The following RNF111 variants were observed in gnomAD, a reference collection of about 807,000 sequenced individuals.
RNF111 encodes the protein E3 ubiquitin-protein ligase Arkadia.
RNF111 carries 17 observed loss-of-function variants against 95.1 expected under a neutral mutation model. The ratio of observed to expected loss-of-function variants is 0.18; its 90% CI spans 0.12 to 0.27. The LOEUF (loss-of-function observed/expected upper bound fraction) is 0.27. Among genes scored for constraint, RNF111 ranks in the 10% least tolerant of loss-of-function variants. The pLI, the probability that RNF111 is intolerant of heterozygous loss-of-function variation, is 1.00. For synonymous variants in RNF111, 440 were observed against 414.8 expected, an observed-to-expected ratio of 1.06 and a Z score of -0.74; for missense variants, 1,189 against 1,210.4, an observed-to-expected ratio of 0.98 and a Z score of 0.26.
At chr15:59,082,808 C>T (rs1261536180) in intron 8 of RNF111, among the ~76,000 whole-genome samples, 1 of 152,134 alleles carries the variant, frequency 6.6e-6, no homozygotes, top group Non-Finnish European at 1.5e-5. Flanking sequence ...TGTTTTACTT[C>T]TGTCATTTAA....
intron 6 of RNF111, 122 bp downstream of exon 6, chr15:59,067,205 TC>T: frequency 1.2e-6 from 1 of 834,200 alleles, no homozygotes; most frequent in South Asian, 1.8e-5. Context: ...TCCATTTCTC[TC>T]CCTGCTTTCT....
intron 1 of RNF111, among the ~76,000 whole-genome samples, chr15:59,000,861 A>G (rs1281520326): frequency 6.6e-6 from 1 of 152,212 alleles, no homozygotes; most frequent in Non-Finnish European, 1.5e-5. Context: ...ATTGAATGCC[A>G]AATATGTGTT....
chr15:59,003,567 T>G (rs940487562), intron 1 of RNF111, among the ~76,000 whole-genome samples: 22 of 151,188 alleles, frequency 1.5e-4, no homozygotes, highest in African/African-American at 4.6e-4. Context: ...CCCAGCTAAT[T>G]TTTTTAAAAT....
At chr15:59,093,285 C>T (rs2079103513) in intron 13 of RNF111, 1 of 353,962 alleles carries the variant, frequency 2.8e-6, no homozygotes, top group Non-Finnish European at 5.4e-6. Context: ...ATGTGTTCTT[C>T]AAAACTTAAA....
At chr15:59,012,208 A>G (rs2039856978) in intron 1 of RNF111, among the ~76,000 whole-genome samples, 1 of 151,302 alleles carries the variant, frequency 6.6e-6, no homozygotes, top group Non-Finnish European at 1.5e-5. Context: ...TAGTAGAGAC[A>G]CAGTTTCACT....
rs184249998 is a variant in RNF111, at chr15:59,097,209, T to C, written c.*2309T>C. On this transcript the variant is annotated 3_prime_UTR_variant, in exon 14 of 14. Transcript: ENST00000348370. ...CTTCCATATCCTGCTGCATCTTATA[T>C]GTCAAAATGAACATTTCAGTGGTAG... 6.6e-6 allele frequency: 1 copy of C among 152,266 alleles called. No individual in the cohort carries two copies. The highest frequency in any genetic ancestry group is 1.5e-5 in the Non-Finnish European group (1 of 68,052). The allele number at this position is 152,266 out of a possible 1,614,324, so 9.4% of individuals were successfully genotyped here.
intron 1 of RNF111, chr15:58,988,439 G>A (rs1373942044): frequency 1.3e-5 from 2 of 152,540 alleles, no homozygotes; most frequent in Admixed American, 6.5e-5. Context: ...AGGGCGCTAA[G>A]TCAGCCCTGA....
At chr15:59,030,353 A>G (rs1481295148) in intron 1 of RNF111, among the ~76,000 whole-genome samples, 1 of 152,232 alleles carries the variant, frequency 6.6e-6, no homozygotes, top group Admixed American at 6.5e-5. Context: ...GTAACCATCT[A>G]GATGTACAGA....
In RNF111 at chr15:59,066,968, C is replaced by G; in HGVS notation, c.1571C>G (p.Pro524Arg). Residue 524 changes from proline to arginine, a missense_variant, in exon 6 of 14, where the codon CCA becomes CGA. By Grantham distance (103) the Pro-to-Arg change is moderately radical. Around this residue, in one of 2 missense-constraint regions of RNF111, gnomAD observed 1,024 missense variants for 925.9 expected, o/e 1.11. Coordinates refer to ENST00000348370, the MANE Select transcript of RNF111 (RefSeq NM_017610.8). ...CACCACCACCACCATACTCCCCACC[C>G]AGCTGTCCCAGTTTCTCCTTCCTTT... ...HHHHHHHTPH[P>R]AVPVSPSFSD... The G allele has an allele frequency of 6.2e-7, 1 of 1,614,148 alleles. No homozygotes were observed. Among genetic ancestry groups the G allele is most frequent in the Non-Finnish European group, 8.5e-7 (1 of 1,180,032 alleles).
intron 2 of RNF111, 29 bp from the exon 3 acceptor site, chr15:59,052,276 C>T: frequency 3.3e-6 from 5 of 1,532,392 alleles, no homozygotes; most frequent in African/African-American, 3.0e-5. Context: ...AGGAAGATGC[C>T]TTTAAATGTT....
rs547304648 is a variant in RNF111, at chr15:59,042,561, A to G, written c.881-9744A>G. Among the ~76,000 whole-genome samples, 10 of 152,278 alleles carry G rather than the reference A, an allele frequency of 6.6e-5. No homozygotes were observed. The South Asian group carries it at 2.1e-3, about 32-fold the overall frequency. The stretch of plus-strand genomic sequence containing the variant: ...CATTTCCCCCCAGTCCTTGTACTTA[A>G]TTCATTTTTAACATTTAGAGCATAG... On this transcript the variant is annotated intron_variant, in intron 2 of 13. Coordinates refer to ENST00000348370, the MANE Select transcript of RNF111 (RefSeq NM_017610.8).
rs2079155694 is a variant in RNF111, at chr15:59,095,120, G to A, written c.*220G>A. 1 of 444,022 alleles carries A rather than the reference G, an allele frequency of 2.3e-6. No homozygotes were observed. The highest frequency in any genetic ancestry group is 4.0e-6 in the Non-Finnish European group (1 of 250,294). 27.5% of individuals were successfully genotyped at this position (444,022 alleles called of 1,614,324 possible). On this transcript the variant is annotated 3_prime_UTR_variant, in exon 14 of 14. Coordinates refer to ENST00000348370, the MANE Select transcript of RNF111 (RefSeq NM_017610.8). ...TTTTTTCTAGATTTGACATTTTTCTGTATCATTTTACTGTATTTTTGCATG... is the reference window on the plus strand; with the variant it reads ...TTTTTTCTAGATTTGACATTTTTCTATATCATTTTACTGTATTTTTGCATG...
intron 2 of RNF111, among the ~76,000 whole-genome samples, chr15:59,034,205 T>C (rs2041058265): frequency 6.6e-6 from 1 of 152,234 alleles, no homozygotes; most frequent in African/African-American, 2.4e-5. Context: ...TGTATGGATG[T>C]TCCATAATTT....
chr15:59,058,003 G>A (rs2042267546), intron 4 of RNF111, among the ~76,000 whole-genome samples: 1 of 152,188 alleles, frequency 6.6e-6, no homozygotes, highest in Non-Finnish European at 1.5e-5. Flanking sequence ...CTGGCAGCTC[G>A]TGACCATGTG....
chr15:59,081,097 C>T lies in RNF111; in HGVS notation c.2110C>T (p.Pro704Ser). The change falls in exon 8 of 14, where the codon CCT becomes TCT. Residue 704 changes from proline to serine, a missense_variant. Pro to Ser is a moderately conservative substitution (Grantham distance 74). Around this residue, in one of 2 missense-constraint regions of RNF111, gnomAD observed 1,024 missense variants for 925.9 expected, o/e 1.11. Transcript: ENST00000348370. ...AATATCTTCTCATGCAACATCTCATCCTGTGGCACCCCCACCACCAACTCA... is the reference window on the plus strand; with the variant it reads ...AATATCTTCTCATGCAACATCTCATTCTGTGGCACCCCCACCACCAACTCA... ...SQISSHATSH[P>S]VAPPPPTHLA... The T allele has an allele frequency of 6.2e-7, 1 of 1,614,110 alleles. No homozygotes were observed.
chr15:58,993,615 C>T (rs796830896), intron 1 of RNF111, among the ~76,000 whole-genome samples: 3 of 152,114 alleles, frequency 2.0e-5, no homozygotes, highest in Admixed American at 6.6e-5. Context: ...TACAGTATTT[C>T]GTTTCTATTT....
intron 6 of RNF111, among the ~76,000 whole-genome samples, chr15:59,072,015 T>C (rs1299082725): frequency 2.6e-5 from 4 of 152,228 alleles, no homozygotes; most frequent in African/African-American, 9.6e-5. Context: ...AATACTTCAG[T>C]TTAAAAATAC....
intron 1 of RNF111, among the ~76,000 whole-genome samples, chr15:59,017,333 C>A (rs2040117004): frequency 6.6e-6 from 1 of 152,102 alleles, no homozygotes. Context: ...AGAGAAACAC[C>A]AAGCCATTTA....
chr15:59,089,414 A>G lies in RNF111; in HGVS notation c.2551-253A>G, dbSNP rs181297761. Among the ~76,000 whole-genome samples the G allele has an allele frequency of 1.8e-4, 28 of 152,222 alleles. 1 individual carries two copies. Among genetic ancestry groups the G allele is most frequent in the Admixed American group, 1.0e-3 (16 of 15,276 alleles). On this transcript the variant is annotated intron_variant, in intron 10 of 13. Coordinates refer to ENST00000348370, the MANE Select transcript of RNF111 (RefSeq NM_017610.8). ...CTGAAATGGACAGGATCTTAAGACA[A>G]TTTTACTCTTTTCAAGTTTGAGCTA...
Sources: allele counts gnomAD v4.1 joint callset (sites outside exome capture counted in the v4.1 genomes callset), GRCh38; gene constraint gnomAD v4.1.1; regional missense constraint gnomAD v4.1.1; transcripts MANE v1.5; gene names NCBI Gene and HGNC (gene_info 2026-07-23, HGNC 2026-07-21).